Variants in DPCD observed in about 807,000 individuals in gnomAD.
DPCD encodes deleted in primary ciliary dyskinesia homolog (mouse).
A neutral mutation model predicts 26.4 loss-of-function variants in DPCD; 20 were observed. That is an observed-to-expected ratio of 0.76 (90% CI 0.53 to 1.10). The LOEUF (loss-of-function observed/expected upper bound fraction) is 1.10. Among genes scored for constraint, DPCD ranks in the 50% least tolerant of loss-of-function variants. The pLI is 0.00. For synonymous variants in DPCD, 97 were observed against 94.2 expected, an observed-to-expected ratio of 1.03 and a Z score of -0.17; for missense variants, 202 against 253.9, an observed-to-expected ratio of 0.80 and a Z score of 1.39.
chr10:101,607,865 A>G (rs1238417444), intron 4 of DPCD, among the ~76,000 whole-genome samples: 1 of 152,182 alleles, frequency 6.6e-6, no homozygotes, highest in Non-Finnish European at 1.5e-5. Flanking sequence ...AAAATGCCAA[A>G]TTGGTGTACT....
chr10:101,599,653 C>T (rs924912353), intron 2 of DPCD, among the ~76,000 whole-genome samples: 4 of 152,174 alleles, frequency 2.6e-5, no homozygotes, highest in Non-Finnish European at 5.9e-5. Flanking sequence ...GTAAAACCGC[C>T]GGCTGCCTAG....
intron 1 of DPCD, among the ~76,000 whole-genome samples, chr10:101,594,069 GTGT>G (rs1431613616): frequency 6.6e-6 from 1 of 152,158 alleles, no homozygotes; most frequent in African/African-American, 2.4e-5. Context: ...ACTTAACATT[GTGT>G]TACTGTGTGA....
At chr10:101,588,790 C>G (rs892882476) in intron 1 of DPCD, 4 of 604,022 alleles carry the variant, frequency 6.6e-6, no homozygotes, top group Non-Finnish European at 6.2e-6. Flanking sequence ...CTAGTTCCGA[C>G]TGTGCCATTA....
intron 1 of DPCD, among the ~76,000 whole-genome samples, chr10:101,591,959 T>C (rs968396150): frequency 6.6e-5 from 10 of 152,200 alleles, no homozygotes; most frequent in Admixed American, 3.3e-4. Context: ...GGGCTGAGAT[T>C]ACAGGCGTGA....
Position 101,601,197 on chromosome 10 carries a change from CTGCAGCCTATCTTCA to C in DPCD, c.271-2_283del. The C allele has an allele frequency of 1.2e-6, 2 of 1,613,774 alleles. No individual in the cohort carries two copies. The highest frequency in any genetic ancestry group is 1.7e-6 in the Non-Finnish European group (2 of 1,179,938). ...ACAGTCCTCGAGTTGGATTTGCCTT[CTGCAGCCTATCTTCA>C]TGCGCAAGGACACCAAGATGAGTTT... On this transcript the variant is annotated splice_acceptor_variant and splice_polypyrimidine_tract_variant and coding_sequence_variant and intron_variant, in exon 4 of 6. Transcript: ENST00000370151. LOFTEE classifies it high-confidence loss of function.
Position 101,588,394 on chromosome 10 carries a change from C to A in DPCD, c.58C>A (p.Gln20Lys). The A allele has an allele frequency of 1.3e-6, 2 of 1,593,774 alleles. No individual in the cohort carries two copies. Among genetic ancestry groups the A allele is most frequent in the Non-Finnish European group, 1.7e-6 (2 of 1,168,820 alleles). ...LRTAQKTALLQDGRRKVHYLF... is the reference protein window; with the variant it reads ...LRTAQKTALLKDGRRKVHYLF... ...GACAGCCCAGAAGACTGCGCTGCTG[C>A]AGGACGGTAACTCGAGGGTCCCCAC... The change falls in exon 1 of 6, where the codon CAG becomes AAG. Residue 20 changes from glutamine to lysine, a missense_variant. Physicochemically the swap from Gln to Lys is moderately conservative, Grantham distance 53 (BLOSUM62 1). Around this residue, in one of 3 missense-constraint regions of DPCD, gnomAD observed 47 missense variants for 32.8 expected, o/e 1.43. Coordinates refer to ENST00000370151, the MANE Select transcript of DPCD (RefSeq NM_015448.3).
chr10:101,605,868 A>G (rs2063730080), intron 4 of DPCD, among the ~76,000 whole-genome samples: 1 of 152,320 alleles, frequency 6.6e-6, no homozygotes, highest in East Asian at 1.9e-4. Context: ...TCTGTTTACC[A>G]GCTTTGTGAG....
At chr10:101,597,580 G>GC (rs1006264117) in intron 2 of DPCD, among the ~76,000 whole-genome samples, 4 of 152,172 alleles carry the variant, frequency 2.6e-5, no homozygotes, top group South Asian at 4.1e-4. Flanking sequence ...TTAGGAAAAA[G>GC]CCCCCAGGCG....
chr10:101,593,928 G>A (rs1190977446), intron 1 of DPCD, among the ~76,000 whole-genome samples: 1 of 152,050 alleles, frequency 6.6e-6, no homozygotes, highest in African/African-American at 2.4e-5. Flanking sequence ...GCCACACTTG[G>A]TCTTTAGGAA....
At chr10:101,595,639 C>T (rs980785019) in intron 2 of DPCD, among the ~76,000 whole-genome samples, 2 of 152,284 alleles carry the variant, frequency 1.3e-5, no homozygotes, top group East Asian at 1.9e-4. Flanking sequence ...ATGGATTACA[C>T]GGGCTTGCAT....
At chr10:101,592,966 A>C (rs917320321) in intron 1 of DPCD, among the ~76,000 whole-genome samples, 1 of 151,280 alleles carries the variant, frequency 6.6e-6, no homozygotes, top group Non-Finnish European at 1.5e-5. Flanking sequence ...GTGAGCCGAG[A>C]TCACACCACT....
chr10:101,604,836 G>A (rs1338480512), intron 4 of DPCD, among the ~76,000 whole-genome samples: 4 of 152,190 alleles, frequency 2.6e-5, no homozygotes, highest in Non-Finnish European at 4.4e-5. Context: ...CCAGCACAAC[G>A]GCTGGCCTGA....
intron 4 of DPCD, among the ~76,000 whole-genome samples, chr10:101,605,560 G>A (rs768976993): frequency 2.6e-4 from 40 of 152,292 alleles, no homozygotes; most frequent in Non-Finnish European, 3.8e-4. Context: ...ACAAGGCAGG[G>A]CCAGGAGTTC....
At chr10:101,590,587 T>C (rs2063599751) in intron 1 of DPCD, among the ~76,000 whole-genome samples, 1 of 151,246 alleles carries the variant, frequency 6.6e-6, no homozygotes, top group Non-Finnish European at 1.5e-5. Flanking sequence ...AAATTCTTTT[T>C]TTTTTTTTTT....
At chr10:101,593,701 G>A (rs909826284) in intron 1 of DPCD, among the ~76,000 whole-genome samples, 5 of 152,110 alleles carry the variant, frequency 3.3e-5, no homozygotes, top group African/African-American at 1.2e-4. Flanking sequence ...CAATTCTCCT[G>A]CCTCAGACTC....
Position 101,600,793 on chromosome 10 carries a change from A to G in DPCD, c.201A>G (p.Glu67=), listed in dbSNP as rs1168592760. 1 of 1,613,850 alleles carries G rather than the reference A, an allele frequency of 6.2e-7. No homozygotes were observed. Among genetic ancestry groups the G allele is most frequent in the Non-Finnish European group, 8.5e-7 (1 of 1,179,970 alleles). ...GAGCCATGGGCCAGTGGCAGCTTGA[A>G]GTAGGAGACCCAGCGCCCCTAGGAG... The part of the protein sequence containing the change: ...ALGAMGQWQL[E]VGDPAPLGAG... Residue 67 remains glutamate (E), a synonymous_variant, in exon 3 of 6, where the codon GAA becomes GAG. Transcript: ENST00000370151. This position sits in a 1 kb window ranked among gnomAD's most constrained non-coding sequence, Gnocchi z 4.7.
chr10:101,598,123 A>G (rs1225964010), intron 2 of DPCD, among the ~76,000 whole-genome samples: 1 of 152,080 alleles, frequency 6.6e-6, no homozygotes, highest in Non-Finnish European at 1.5e-5. Context: ...AAAACTCAAA[A>G]TTTTTTGGAG....
At position 101,608,883 on chromosome 10, in the gene DPCD, TC is replaced by T; in HGVS notation, c.454del (p.Leu152TrpfsTer6). The T allele has an allele frequency of 6.2e-7, 1 of 1,613,798 alleles. No homozygotes were observed. Among genetic ancestry groups the T allele is most frequent in the African/African-American group, 1.3e-5 (1 of 74,996 alleles). ...CTGATCTAGATAGACACCAGCTACC[TC>T]TGGATGACGCCTTGCTGAGCTTTGC... ...IPDLDRHQLP[L>X]DDALLSFAHA... On this transcript the variant is annotated frameshift_variant, in exon 5 of 6. Coordinates refer to ENST00000370151, the MANE Select transcript of DPCD (RefSeq NM_015448.3). LOFTEE classifies it high-confidence loss of function.
rs1363086893 is a variant in DPCD, at chr10:101,588,387, G to A, written c.51G>A (p.Ala17=). The change falls in exon 1 of 6, where the codon GCG becomes GCA. Residue 17 remains alanine, a synonymous_variant. Transcript: ENST00000370151. ...LESLRTAQKT[A]LLQDGRRKVH... is the part of the protein sequence containing the mutation. ...GTCTGCGGACAGCCCAGAAGACTGC[G>A]CTGCTGCAGGACGGTAACTCGAGGG... 1.3e-6 allele frequency: 2 copies of A among 1,596,298 alleles called. No homozygotes were observed. The highest frequency in any genetic ancestry group is 1.1e-5 in the South Asian group (1 of 88,616).
Sources: allele counts gnomAD v4.1 joint callset (sites outside exome capture counted in the v4.1 genomes callset), GRCh38; gene constraint gnomAD v4.1.1; regional missense constraint gnomAD v4.1.1; non-coding constraint Gnocchi (gnomAD v3.1); transcripts MANE v1.5; gene names NCBI Gene and HGNC (gene_info 2026-07-23, HGNC 2026-07-21).